The following MALRD1 variants were observed in gnomAD, a reference collection of about 807,000 sequenced individuals.
MALRD1 encodes MAM and LDL-receptor class A domain-containing protein 1.
In MALRD1, 247 loss-of-function variants were observed where a neutral mutation model predicts 242.1. The ratio of observed to expected loss-of-function variants is 1.02; its 90% CI spans 0.92 to 1.13. MALRD1 has a LOEUF of 1.13. Among genes scored for constraint, MALRD1 ranks in the 50% most tolerant of loss-of-function variants. The pLI, the probability that MALRD1 is intolerant of heterozygous loss-of-function variation, is 0.00. For missense variants in MALRD1, 2,989 were observed against 2,533.1 expected (o/e 1.18, Z -3.86); for synonymous variants, 995 against 866.6 (o/e 1.15, Z -2.60).
chr10:19,394,929 T>A (rs1403296438), intron 28 of MALRD1, among the ~76,000 whole-genome samples: 1 of 152,210 alleles, frequency 6.6e-6, no homozygotes, highest in Non-Finnish European at 1.5e-5. Flanking sequence ...GTATACTGTT[T>A]GCATTTTATT....
At chr10:19,395,944 C>T (rs1288862572) in intron 28 of MALRD1, among the ~76,000 whole-genome samples, 3 of 152,024 alleles carry the variant, frequency 2.0e-5, no homozygotes, top group African/African-American at 7.2e-5. Flanking sequence ...GATGCTAACA[C>T]CTTAGTTTAA....
At chr10:19,511,561 C>T (rs1000621630) in intron 31 of MALRD1, among the ~76,000 whole-genome samples, 10 of 152,288 alleles carry the variant, frequency 6.6e-5, no homozygotes, top group African/African-American at 2.2e-4. Context: ...GCAAAACCCT[C>T]ATTATATGTT....
intron 36 of MALRD1, among the ~76,000 whole-genome samples, chr10:19,625,772 A>G (rs1328975707): frequency 1.3e-5 from 2 of 152,138 alleles, no homozygotes; most frequent in African/African-American, 4.8e-5. Context: ...AAAATTGTGT[A>G]TCTAAGTGGG....
intron 12 of MALRD1, among the ~76,000 whole-genome samples, chr10:19,163,151 A>G (rs1351956919): frequency 1.3e-5 from 2 of 148,752 alleles, no homozygotes; most frequent in Non-Finnish European, 3.0e-5. Flanking sequence ...AAAAAAAAAA[A>G]AAAAAAAAAA....
chr10:19,259,861 A>G (rs1300053551), intron 19 of MALRD1, among the ~76,000 whole-genome samples: 2 of 151,866 alleles, frequency 1.3e-5, no homozygotes, highest in Non-Finnish European at 2.9e-5. Flanking sequence ...GGCATTTTCT[A>G]TTTCTATTCC....
intron 26 of MALRD1, among the ~76,000 whole-genome samples, chr10:19,368,814 G>A (rs929142594): frequency 6.7e-6 from 1 of 150,280 alleles, no homozygotes; most frequent in Non-Finnish European, 1.5e-5. Flanking sequence ...TTTCCTCGTA[G>A]ACTTCAATTC....
intron 33 of MALRD1, among the ~76,000 whole-genome samples, chr10:19,576,374 A>C (rs1836826168): frequency 2.0e-5 from 3 of 152,208 alleles, no homozygotes; most frequent in African/African-American, 7.2e-5. Flanking sequence ...GGATGATAGC[A>C]ATTCTTATTC....
At position 19,523,481 on chromosome 10, in the gene MALRD1, C is replaced by T. The variant is rs181865576; in HGVS notation, c.5321-7713C>T. ...CTACCATTTATTAGTTTTGCCTTCT[C>T]GCATGACCATGAAACAAGTTTTACT... On this transcript the variant is annotated intron_variant, in intron 31 of 39. Coordinates refer to ENST00000454679, the MANE Select transcript of MALRD1 (RefSeq NM_001142308.3). Among the ~76,000 whole-genome samples the T allele has an allele frequency of 7.9e-5, 12 of 152,256 alleles. No individual in the cohort carries two copies. The South Asian group carries it at 1.2e-3, about 16-fold the overall frequency.
chr10:19,255,763 T>G (rs1407164627), intron 18 of MALRD1, among the ~76,000 whole-genome samples: 3 of 152,076 alleles, frequency 2.0e-5, no homozygotes, highest in African/African-American at 7.2e-5. Flanking sequence ...CTTGGATTGT[T>G]TCTGTCTTTC....
At chr10:19,210,981 A>G (rs1250195368) in intron 18 of MALRD1, among the ~76,000 whole-genome samples, 1 of 152,242 alleles carries the variant, frequency 6.6e-6, no homozygotes, top group Admixed American at 6.5e-5. Context: ...CATAAGATAC[A>G]TGTAATCATA....
chr10:19,719,137 G>A (rs72782185), intron 38 of MALRD1, among the ~76,000 whole-genome samples: 4,667 of 134,282 alleles, frequency 0.035, 120 homozygotes, highest in Non-Finnish European at 0.052. Flanking sequence ...GGGCAGCAGA[G>A]CAAGACACTG....
chr10:19,318,359 T>G lies in MALRD1; in HGVS notation c.3420-5590T>G, dbSNP rs12248226. 7.7e-3 allele frequency among the ~76,000 whole-genome samples: 1,172 copies of G among 151,942 alleles called. 14 individuals carry two copies. Among genetic ancestry groups the G allele is most frequent in the African/African-American group, 0.027 (1,121 of 41,466 alleles). On this transcript the variant is annotated intron_variant, in intron 21 of 39. Transcript: ENST00000454679. ...TTTTTCAAATTGATCTCCTGACATA[T>G]CTCCTTTTTTTTTTCTTTTCCCTGC...
intron 29 of MALRD1, among the ~76,000 whole-genome samples, chr10:19,451,265 T>A (rs1275406324): frequency 6.6e-6 from 1 of 152,054 alleles, no homozygotes; most frequent in African/African-American, 2.4e-5. Context: ...AGAAATAAAT[T>A]CAATCAGGCA....
intron 29 of MALRD1, among the ~76,000 whole-genome samples, chr10:19,483,746 A>G (rs187225865): frequency 2.5e-4 from 38 of 152,270 alleles, no homozygotes; most frequent in Admixed American, 4.6e-4. Context: ...TAGAACTAAC[A>G]TTCAACTCAG....
At chr10:19,391,948 C>T (rs967709026) in intron 28 of MALRD1, among the ~76,000 whole-genome samples, 1 of 152,160 alleles carries the variant, frequency 6.6e-6, no homozygotes, top group African/African-American at 2.4e-5. Flanking sequence ...ACAACCCTTG[C>T]GAAGGGATGG....
intron 14 of MALRD1, among the ~76,000 whole-genome samples, chr10:19,195,273 A>C (rs1836187133): frequency 6.6e-6 from 1 of 152,184 alleles, no homozygotes; most frequent in Non-Finnish European, 1.5e-5. Context: ...AAAACATTTT[A>C]TTCACTTGGC....
At chr10:19,665,884 AT>A (rs35301063) in intron 36 of MALRD1, among the ~76,000 whole-genome samples, 102,780 of 146,386 alleles carry the variant, frequency 0.7, 39,492 homozygotes, top group Non-Finnish European at 0.85. Flanking sequence ...TTTTCTAATG[AT>A]TTTTTTTTTT....
chr10:19,192,366 A>G (rs1310572350), intron 14 of MALRD1, among the ~76,000 whole-genome samples: 1 of 152,214 alleles, frequency 6.6e-6, no homozygotes, highest in East Asian at 1.9e-4. Context: ...TTATCACAAT[A>G]AAGAAAAAGT....
intron 28 of MALRD1, among the ~76,000 whole-genome samples, chr10:19,406,543 C>T (rs1467515293): frequency 1.3e-5 from 2 of 152,036 alleles, no homozygotes; most frequent in Non-Finnish European, 1.5e-5. Context: ...TTGTTTGCCT[C>T]CGGTAACCTG....
Sources: gnomAD v4.1 joint callset for allele counts (sites outside exome capture counted in the v4.1 genomes callset) on GRCh38, gnomAD v4.1.1 for gene constraint, MANE v1.5 for transcripts, NCBI Gene and HGNC (gene_info 2026-07-23, HGNC 2026-07-21) for gene names.